MPP7: variants seen among roughly 807,000 people sequenced by gnomAD.
The protein encoded by MPP7 is MAGUK p55 scaffold protein 7, also known as MAGUK p55 subfamily member 7.
In MPP7, 60 loss-of-function variants were observed where a neutral mutation model predicts 76.5. That is an observed-to-expected ratio of 0.78 (90% CI 0.64 to 0.97). MPP7 has a LOEUF of 0.97. Ranked by LOEUF, MPP7 falls within the 50% of genes least tolerant of loss-of-function variation. The probability of loss-of-function intolerance (pLI) is 0.00; values close to 1 mark genes in which losing one functional copy is unlikely to be tolerated. For missense variants in MPP7, 641 were observed against 694.0 expected (o/e 0.92, Z 0.86); for synonymous variants, 237 against 244.5 (o/e 0.97, Z 0.29).
At chr10:28,161,123 T>G (rs1836245225) in intron 3 of MPP7, among the ~76,000 whole-genome samples, 1 of 152,242 alleles carries the variant, frequency 6.6e-6, no homozygotes, top group Admixed American at 6.5e-5. Context: ...TATTATCATC[T>G]TCTTTTATTT....
intron 2 of MPP7, among the ~76,000 whole-genome samples, chr10:28,324,939 C>T (rs891628338): frequency 3.9e-5 from 6 of 152,184 alleles, no homozygotes; most frequent in African/African-American, 1.4e-4. Context: ...AACCAATAGT[C>T]CAGTTCCAAA....
At chr10:28,309,688 A>G (rs1841278221) in intron 2 of MPP7, among the ~76,000 whole-genome samples, 1 of 152,240 alleles carries the variant, frequency 6.6e-6, no homozygotes, top group South Asian at 2.1e-4. Context: ...TCTCACATTG[A>G]ATTGTGGTCC....
chr10:28,291,433 C>T (rs1427991827), intron 1 of MPP7, among the ~76,000 whole-genome samples: 1 of 152,070 alleles, frequency 6.6e-6, no homozygotes, highest in Non-Finnish European at 1.5e-5. Flanking sequence ...TGGCAAACGC[C>T]GTCTATACTA....
intron 3 of MPP7, among the ~76,000 whole-genome samples, chr10:28,169,674 C>G (rs7095067): frequency 6.6e-6 from 1 of 152,078 alleles, no homozygotes; most frequent in East Asian, 1.9e-4. Context: ...TTTTACCTAG[C>G]TAACTCATGG....
At chr10:28,305,634 C>A (rs1841249464), upstream of MPP7, 1 of 152,156 alleles carries the variant, frequency 6.6e-6, no homozygotes, top group African/African-American at 2.4e-5. Flanking sequence ...TCAGTAGGAG[C>A]CATCCCAGAG....
At chr10:28,089,533 T>C (rs1588750821) in intron 12 of MPP7, 138 bp downstream of exon 12, 18 of 751,110 alleles carry the variant, frequency 2.4e-5, no homozygotes, top group Non-Finnish European at 2.6e-5. Flanking sequence ...ACTAAAGATT[T>C]TGTTTCAGAG....
At chr10:28,161,386 T>C in intron 3 of MPP7, among the ~76,000 whole-genome samples, 1 of 131,688 alleles carries the variant, frequency 7.6e-6, no homozygotes, top group Non-Finnish European at 1.6e-5. Flanking sequence ...ACTGCTTCCA[T>C]TCCCTTCTTA....
At chr10:28,172,487 T>A (rs1003261338) in intron 3 of MPP7, among the ~76,000 whole-genome samples, 7 of 152,246 alleles carry the variant, frequency 4.6e-5, no homozygotes, top group Non-Finnish European at 1.0e-4. Context: ...AGGCAGTTAC[T>A]GTGGAAATAT....
intron 8 of MPP7, among the ~76,000 whole-genome samples, chr10:28,122,304 C>T (rs902477710): frequency 1.3e-5 from 2 of 152,084 alleles, no homozygotes; most frequent in East Asian, 1.9e-4. Context: ...GTCTATCTCT[C>T]GTGATTGCCT....
Position 28,117,879 on chromosome 10 carries a change from AAAAC to A in MPP7, c.952+1768_952+1771del, listed in dbSNP as rs760538058. Among the ~76,000 whole-genome samples the A allele has an allele frequency of 2.6e-5, 4 of 152,206 alleles. No individual in the cohort carries two copies. In the East Asian group the frequency reaches 5.8e-4, roughly 22 times the overall value. On this transcript the variant is annotated intron_variant, in intron 11 of 16. Transcript: ENST00000683449. ...TATTTGAAAATAAATAACATATATA[AAAAC>A]AAACAATGCATCTCTCAGTGAATCA...
intron 5 of MPP7, among the ~76,000 whole-genome samples, chr10:28,141,771 T>A (rs548271919): frequency 3.3e-5 from 5 of 152,262 alleles, no homozygotes; most frequent in South Asian, 2.1e-4. Context: ...GGTTTTTTTT[T>A]ATGACATAAA....
chr10:28,123,465 T>C, intron 8 of MPP7, among the ~76,000 whole-genome samples: 1 of 136,072 alleles, frequency 7.3e-6, no homozygotes, highest in East Asian at 2.6e-4. Flanking sequence ...CTAAATTCTT[T>C]TTTTTTTTTT....
chr10:28,255,239 G>A (rs530965286), intron 1 of MPP7, among the ~76,000 whole-genome samples: 56 of 148,762 alleles, frequency 3.8e-4, no homozygotes, highest in African/African-American at 9.9e-4. Flanking sequence ...TCAGCCTCCC[G>A]AGTAGCTGAG....
intron 1 of MPP7, among the ~76,000 whole-genome samples, chr10:28,281,101 A>G (rs905383257): frequency 1.3e-5 from 2 of 151,362 alleles, no homozygotes. Context: ...TTTTTTTGAG[A>G]CAGGGTCTCA....
chr10:28,094,845 C>T (rs1853487396), intron 11 of MPP7, among the ~76,000 whole-genome samples: 1 of 152,174 alleles, frequency 6.6e-6, no homozygotes, highest in South Asian at 2.1e-4. Context: ...ATCCCAGCTA[C>T]TTGGGAGGCT....
At chr10:28,153,440 C>T (rs561638840) in intron 3 of MPP7, among the ~76,000 whole-genome samples, 2 of 152,028 alleles carry the variant, frequency 1.3e-5, no homozygotes, top group South Asian at 2.1e-4. Context: ...AGTCAGGACA[C>T]GCTAAAATAT....
At chr10:28,304,198 C>G (rs1246207957), upstream of MPP7, among the ~76,000 whole-genome samples, 2 of 152,120 alleles carry the variant, frequency 1.3e-5, no homozygotes, top group Non-Finnish European at 1.5e-5. Context: ...CAGAACACAT[C>G]CCCCAGAACT....
At chr10:28,302,755 A>G (rs1010282219) in intron 1 of MPP7, among the ~76,000 whole-genome samples, 106 bp downstream of exon 1, 2 of 150,928 alleles carry the variant, frequency 1.3e-5, no homozygotes, top group African/African-American at 2.4e-5. Context: ...GGACCGCGGC[A>G]CCGCTCGGCC....
chr10:28,143,902 T>TGTGA lies in MPP7; in HGVS notation c.315+3580_315+3581insTCAC, dbSNP rs1303829355. On this transcript the variant is annotated intron_variant, in intron 5 of 16. Transcript: ENST00000683449. ...GTGTGTGTGTGTGTGTGTGTGTGTG[T>TGTGA]GAGACTGAGTTTCACTCTTTCACCC... Among the ~76,000 whole-genome samples, 90 of 127,750 alleles carry TGTGA rather than the reference T, an allele frequency of 7.0e-4. 1 individual carries two copies. The highest frequency in any genetic ancestry group is 2.7e-3 in the African/African-American group (83 of 31,234). The allele number at this position is 127,750 out of a possible 152,430, so 83.8% of individuals were successfully genotyped here.
Sources: gnomAD v4.1 joint callset for allele counts (sites outside exome capture counted in the v4.1 genomes callset) on GRCh38, gnomAD v4.1.1 for gene constraint, MANE v1.5 for transcripts, NCBI Gene and HGNC (gene_info 2026-07-23, HGNC 2026-07-21) for gene names.